ARHGAP40: variants seen among roughly 807,000 people sequenced by gnomAD.
The protein encoded by ARHGAP40 is Rho GTPase activating protein 40.
A neutral mutation model predicts 73.5 loss-of-function variants in ARHGAP40; 43 were observed. That is an observed-to-expected ratio of 0.58 (90% confidence interval 0.46 to 0.75). The LOEUF (loss-of-function observed/expected upper bound fraction) is 0.75, where lower values mean the gene tolerates loss of function less well. Ranked by LOEUF, ARHGAP40 falls within the 30% of genes least tolerant of loss-of-function variation. The pLI, the probability that ARHGAP40 is intolerant of heterozygous loss-of-function variation, is 0.00. For synonymous variants in ARHGAP40, 300 were observed against 352.8 expected (o/e 0.85, Z 1.68); for missense variants, 734 against 861.8 (o/e 0.85, Z 1.86).
chr20:38,645,980 G>T (rs955949348), intron 11 of ARHGAP40, 67 bp from the exon 12 acceptor site: 3 of 1,226,066 alleles, frequency 2.4e-6, no homozygotes, highest in Middle Eastern at 2.3e-4. Context: ...GATGACCCTG[G>T]AGAGGGCTCT....
At chr20:38,633,844 C>T (rs1436379071) in intron 5 of ARHGAP40, among the ~76,000 whole-genome samples, 1 of 152,136 alleles carries the variant, frequency 6.6e-6, no homozygotes, top group Non-Finnish European at 1.5e-5. Context: ...TTATTTCTGC[C>T]GGTGGCATGG....
chr20:38,601,811 T>G, exon 1 of ARHGAP40: 1 of 1,121,068 alleles, frequency 8.9e-7, no homozygotes, highest in South Asian at 1.4e-5. Context: ...TGAACATTAG[T>G]CCTGCATGAG....
At chr20:38,607,399 T>C (rs1265003772) in intron 1 of ARHGAP40, among the ~76,000 whole-genome samples, 1 of 152,198 alleles carries the variant, frequency 6.6e-6, no homozygotes, top group African/African-American at 2.4e-5. Flanking sequence ...GGGACCAGGC[T>C]GCCGCTGGGG....
At chr20:38,610,730 A>G (rs2088799452) in intron 1 of ARHGAP40, among the ~76,000 whole-genome samples, 1 of 152,166 alleles carries the variant, frequency 6.6e-6, no homozygotes, top group Non-Finnish European at 1.5e-5. Context: ...AGGAATGTTT[A>G]AGAGAAGGAA....
intron 11 of ARHGAP40, among the ~76,000 whole-genome samples, chr20:38,644,597 A>C (rs1301796329): frequency 6.7e-6 from 1 of 148,502 alleles, no homozygotes; most frequent in Non-Finnish European, 1.5e-5. Context: ...CCACCCATCC[A>C]TTTATGCAAC....
chr20:38,649,423 G>A (rs576303426), intron 14 of ARHGAP40, among the ~76,000 whole-genome samples: 5 of 152,292 alleles, frequency 3.3e-5, no homozygotes, highest in South Asian at 2.1e-4. Context: ...AGGAGTGTTC[G>A]CATCCTGGAG....
chr20:38,634,721 C>T (rs752769180), exon 6 of ARHGAP40: 10 of 1,304,998 alleles, frequency 7.7e-6, no homozygotes, highest in South Asian at 2.5e-5. Flanking sequence ...TAGAGCTGAC[C>T]GCGCTCTGTG....
rs1648693129 is a variant in ARHGAP40, at chr20:38,627,731, CG to C, written c.558+517del. On this transcript the variant is annotated intron_variant, in intron 3 of 14. Coordinates refer to ENST00000373345, the Ensembl canonical transcript of ARHGAP40. Reference sequence around the variant, plus strand: ...TATTCAGAGTGCAGTGGCTTGCACACGTATGTCTCCCTGCCTTCCACTATGT... The same window carrying C: ...TATTCAGAGTGCAGTGGCTTGCACACTATGTCTCCCTGCCTTCCACTATGT... 4.6e-5 allele frequency among the ~76,000 whole-genome samples: 7 copies of C among 150,566 alleles called. No individual in the cohort carries two copies. The South Asian group carries it at 1.5e-3, about 32-fold the overall frequency.
chr20:38,630,266 C>A (rs187570835), intron 5 of ARHGAP40, among the ~76,000 whole-genome samples: 1 of 150,488 alleles, frequency 6.6e-6, no homozygotes, highest in Non-Finnish European at 1.5e-5. Flanking sequence ...GTCACCCAGG[C>A]GGGAGTGCAG....
chr20:38,648,847 G>T lies in ARHGAP40; in HGVS notation c.1936+149G>T. Reference sequence around the variant, plus strand: ...TCTCTGTCTTCAATGAAACCAGGTGGAGTCCTGCTGTAAGGTTAAAGGTTA... The same window carrying T: ...TCTCTGTCTTCAATGAAACCAGGTGTAGTCCTGCTGTAAGGTTAAAGGTTA... On this transcript the variant is annotated intron_variant, in intron 14 of 14. Coordinates refer to ENST00000373345, the Ensembl canonical transcript of ARHGAP40. 1.5e-5 allele frequency: 8 copies of T among 533,958 alleles called. No individual in the cohort carries two copies. In the South Asian group the frequency reaches 1.5e-4, roughly 10 times the overall value. 33.1% of individuals were successfully genotyped at this position (533,958 alleles called of 1,614,324 possible). A position where few individuals can be genotyped will look rare whatever the true frequency, so the allele number is the denominator to read the frequency against.
At chr20:38,638,113 T>A (rs1362794879) in intron 7 of ARHGAP40, among the ~76,000 whole-genome samples, 5 of 151,318 alleles carry the variant, frequency 3.3e-5, no homozygotes, top group Admixed American at 3.3e-4. Context: ...ATCAAGACCA[T>A]CCTGGTTAAC....
chr20:38,615,295 C>G, intron 1 of ARHGAP40: 1 of 772,346 alleles, frequency 1.3e-6, no homozygotes, highest in Non-Finnish European at 2.4e-6. Flanking sequence ...CCGGAGGGAG[C>G]AGTCGACATT....
rs1302255548 is a variant in ARHGAP40 at position 38,646,123 on chromosome 20, G to A, written c.1646G>A (p.Gly549Asp). The A allele has an allele frequency of 7.7e-7, 1 of 1,304,242 alleles. No individual in the cohort carries two copies. Among genetic ancestry groups the A allele is most frequent in the South Asian group, 1.2e-5 (1 of 81,026 alleles). The allele number at this position is 1,304,242 out of a possible 1,614,324, so 80.8% of individuals were successfully genotyped here. A position where few individuals can be genotyped will look rare whatever the true frequency, so the allele number is the denominator to read the frequency against. Residue 549 changes from glycine (G) to aspartate (D), a missense_variant, in exon 12 of 15, where the codon GGC becomes GAC. Physicochemically the swap from Gly to Asp is moderately conservative, Grantham distance 94. Coordinates refer to ENST00000373345, the Ensembl canonical transcript of ARHGAP40. This position sits in a 1 kb window ranked among gnomAD's most constrained non-coding sequence, Gnocchi z 4.5. The stretch of plus-strand genomic sequence containing the variant: ...AGGCGCCCCCAGCTCTGCGACGCAG[G>A]CCTCAAGACTTGGCTGCGGAGGATG...
intron 2 of ARHGAP40, among the ~76,000 whole-genome samples, chr20:38,624,811 C>A (rs1282081437): frequency 6.6e-6 from 1 of 152,252 alleles, no homozygotes; most frequent in African/African-American, 2.4e-5. Flanking sequence ...TAGCCCCTGC[C>A]CTACTCTGTT....
chr20:38,628,980 C>T (rs1403671105), exon 4 of ARHGAP40: 7 of 1,304,948 alleles, frequency 5.4e-6, no homozygotes, highest in African/African-American at 3.0e-5. Flanking sequence ...AGCTCAGTTC[C>T]GGGGCCTCTA....
intron 1 of ARHGAP40, among the ~76,000 whole-genome samples, chr20:38,619,673 G>A (rs192220041): frequency 1.3e-3 from 186 of 146,064 alleles, no homozygotes; most frequent in African/African-American, 4.4e-3. Flanking sequence ...ACCTGGGTTC[G>A]TATCCGGGCT....
intron 1 of ARHGAP40, among the ~76,000 whole-genome samples, chr20:38,615,822 T>G (rs2088833689): frequency 1.3e-5 from 2 of 152,030 alleles, no homozygotes; most frequent in South Asian, 4.1e-4. Flanking sequence ...TGACAAATGA[T>G]CCCCAAACCC....
intron 11 of ARHGAP40, among the ~76,000 whole-genome samples, chr20:38,644,413 C>A (rs1374638907): frequency 6.6e-6 from 1 of 152,104 alleles, no homozygotes; most frequent in African/African-American, 2.4e-5. Context: ...AGCACTGAGA[C>A]CCCTCCAGCT....
chr20:38,620,563 G>A (rs1051144036), intron 1 of ARHGAP40, among the ~76,000 whole-genome samples: 3 of 152,196 alleles, frequency 2.0e-5, no homozygotes, highest in Non-Finnish European at 4.4e-5. Context: ...AAAGCGAATC[G>A]CAAAGCAACC....
Sources: gnomAD v4.1 joint callset for allele counts (sites outside exome capture counted in the v4.1 genomes callset) on GRCh38, gnomAD v4.1.1 for gene constraint, Gnocchi (gnomAD v3.1) non-coding constraint, MANE v1.5 for transcripts, NCBI Gene and HGNC (gene_info 2026-07-23, HGNC 2026-07-21) for gene names.